Variants in RELN observed in about 807,000 individuals in gnomAD.
The protein encoded by RELN is reelin.
Under a neutral mutation model 427.6 loss-of-function variants are expected in RELN, and 108 were observed. The ratio of observed to expected loss-of-function variants is 0.25; its 90% CI spans 0.22 to 0.30. The LOEUF (loss-of-function observed/expected upper bound fraction) is 0.30, where lower values mean the gene tolerates loss of function less well. Ranked by LOEUF, RELN falls within the 10% of genes least tolerant of loss-of-function variation. RELN has a pLI of 1.00. For missense variants in RELN, 3,715 were observed against 4,302.8 expected (o/e 0.86, Z 3.82); for synonymous variants, 1,524 against 1,513.4 (o/e 1.01, Z -0.16).
At chr7:103,699,521 T>C (rs951813428) in intron 9 of RELN, among the ~76,000 whole-genome samples, 5 of 152,170 alleles carry the variant, frequency 3.3e-5, no homozygotes, top group Admixed American at 6.6e-5. Context: ...GAAAAATAGA[T>C]GGGTTCAGCT....
rs374446239 is a variant in RELN, at chr7:103,640,494, C to T, written c.2069+49G>A. ...AAATGACTTGCGACTTCAACACATA[C>T]ATTACACATCAAAAAGGAGAAGCAT... On this transcript the variant is annotated intron_variant, in intron 17 of 64. Transcript: ENST00000428762. The surrounding 1 kb of genome is among the most constrained non-coding windows in gnomAD (Gnocchi z 4.1). The T allele has an allele frequency of 3.2e-5, 51 of 1,573,626 alleles. No individual in the cohort carries two copies. Among genetic ancestry groups the T allele is most frequent in the African/African-American group, 2.7e-4 (20 of 74,238 alleles).
intron 10 of RELN, among the ~76,000 whole-genome samples, chr7:103,683,477 C>T (rs1833696692): frequency 6.6e-6 from 1 of 152,094 alleles, no homozygotes; most frequent in African/African-American, 2.4e-5. Flanking sequence ...AACAATGTTT[C>T]AGTAAATGAC....
intron 29 of RELN, 138 bp downstream of exon 29, chr7:103,575,410 G>C: frequency 2.1e-6 from 2 of 946,960 alleles, no homozygotes; most frequent in Non-Finnish European, 3.4e-6. Flanking sequence ...CATGTGCCTG[G>C]GTTGTGAATT....
intron 1 of RELN, among the ~76,000 whole-genome samples, chr7:103,964,348 T>C (rs1302026415): frequency 6.6e-6 from 1 of 152,118 alleles, no homozygotes; most frequent in East Asian, 1.9e-4. Context: ...GATCTGAAAA[T>C]GACCAGACAA....
In RELN at chr7:103,523,473, A is replaced by G; in HGVS notation, c.7408T>C (p.Trp2470Arg). Residue 2470 changes from tryptophan to arginine, a missense_variant, in exon 47 of 65, where the codon TGG (tryptophan) becomes CGG (arginine). Coordinates refer to ENST00000428762, the MANE Select transcript of RELN (RefSeq NM_005045.4). ...CCGATATAGACATTATCTATTGCCC[A>G]TGTCTGCTGCTTGTCAAAAGGAGCT... ...QPAPFDKQQT[W>R]AIDNVYIGDG... The G allele has an allele frequency of 6.2e-7, 1 of 1,614,040 alleles. No homozygotes were observed. The highest frequency in any genetic ancestry group is 1.1e-5 in the South Asian group (1 of 91,080).
intron 19 of RELN, among the ~76,000 whole-genome samples, chr7:103,633,419 T>C (rs1395360517): frequency 6.6e-6 from 1 of 151,870 alleles, no homozygotes; most frequent in Non-Finnish European, 1.5e-5. Context: ...TGTCACCTTT[T>C]ATTAATATTT....
chr7:103,840,770 A>C (rs1793533483), intron 2 of RELN, among the ~76,000 whole-genome samples: 1 of 152,212 alleles, frequency 6.6e-6, no homozygotes, highest in Admixed American at 6.5e-5. Flanking sequence ...GGGGATAATT[A>C]AAATTTTGAA....
chr7:103,902,167 T>A (rs1184460017), intron 2 of RELN, among the ~76,000 whole-genome samples: 2 of 152,030 alleles, frequency 1.3e-5, no homozygotes, highest in South Asian at 4.1e-4. Flanking sequence ...ATCAGCCTCA[T>A]AATTACTCTA....
At chr7:103,681,947 T>G (rs763708439) in intron 11 of RELN, among the ~76,000 whole-genome samples, 169 bp downstream of exon 11, 3 of 152,236 alleles carry the variant, frequency 2.0e-5, no homozygotes, top group Non-Finnish European at 2.9e-5. Context: ...TAGTTAATTA[T>G]AAGCTTAGAA....
In RELN at chr7:103,611,659, C is replaced by T. The variant is rs1312221375; in HGVS notation, c.2847G>A (p.Lys949=). 1.2e-6 allele frequency: 2 copies of T among 1,613,828 alleles called. No individual in the cohort carries two copies. The highest frequency in any genetic ancestry group is 1.7e-6 in the Non-Finnish European group (2 of 1,179,928). ...GGCCGTGGTTGGTTGAGTACTCCAG[C>T]TTCACCTGGTTGTCCATGTGTGGGG... ...KYTPHMDNQV[K]LEYSTNHGLT... Residue 949 remains lysine (K), a synonymous_variant, in exon 21 of 65, where the codon AAG becomes AAA. Transcript: ENST00000428762.
intron 2 of RELN, among the ~76,000 whole-genome samples, chr7:103,848,588 G>A (rs1421772693): frequency 6.6e-6 from 1 of 152,116 alleles, no homozygotes; most frequent in Admixed American, 6.6e-5. Flanking sequence ...TGGGTCCCCA[G>A]GTCACATTGC....
chr7:103,918,532 A>C (rs1476163298), intron 1 of RELN, among the ~76,000 whole-genome samples: 1 of 152,144 alleles, frequency 6.6e-6, no homozygotes, highest in Non-Finnish European at 1.5e-5. Context: ...CCAAAGTGGC[A>C]AAGTAACCAT....
At chr7:103,633,731 AC>A (rs1832519729) in intron 19 of RELN, among the ~76,000 whole-genome samples, 1 of 152,180 alleles carries the variant, frequency 6.6e-6, no homozygotes, top group South Asian at 2.1e-4. Flanking sequence ...TAGATTGATT[AC>A]TGAATTTTGC....
intron 3 of RELN, among the ~76,000 whole-genome samples, chr7:103,815,614 T>C (rs1450128404): frequency 1.3e-5 from 2 of 152,232 alleles, no homozygotes; most frequent in African/African-American, 4.8e-5. Flanking sequence ...CAGATTAGCA[T>C]TATGAGCTGT....
intron 1 of RELN, among the ~76,000 whole-genome samples, chr7:103,955,504 T>C (rs1406595238): frequency 6.6e-6 from 1 of 152,236 alleles, no homozygotes; most frequent in African/African-American, 2.4e-5. Flanking sequence ...TGACATTCAG[T>C]GTGTATTTTC....
intron 2 of RELN, among the ~76,000 whole-genome samples, chr7:103,841,937 G>C (rs1011233487): frequency 6.6e-6 from 1 of 151,972 alleles, no homozygotes; most frequent in African/African-American, 2.4e-5. Flanking sequence ...ATTTTTCATG[G>C]GTTTCAAGAA....
At chr7:103,763,763 T>C (rs1160694008) in intron 4 of RELN, among the ~76,000 whole-genome samples, 1 of 151,868 alleles carries the variant, frequency 6.6e-6, no homozygotes, top group Non-Finnish European at 1.5e-5. Context: ...AATGTGGAGA[T>C]GACGTTGGAG....
At chr7:103,598,017 TA>T (rs1389874648) in intron 24 of RELN, among the ~76,000 whole-genome samples, 1 of 152,190 alleles carries the variant, frequency 6.6e-6, no homozygotes, top group African/African-American at 2.4e-5. Context: ...AAACCTGAGA[TA>T]ATATACATAG....
intron 49 of RELN, 50 bp from the exon 50 acceptor site, chr7:103,515,491 T>C: frequency 1.3e-6 from 2 of 1,571,886 alleles, no homozygotes; most frequent in Non-Finnish European, 1.7e-6. Flanking sequence ...TTGTCAAATA[T>C]CTTCTCTGAG....
Sources: gnomAD v4.1 joint callset for allele counts (sites outside exome capture counted in the v4.1 genomes callset) on GRCh38, gnomAD v4.1.1 for gene constraint, Gnocchi (gnomAD v3.1) non-coding constraint, MANE v1.5 for transcripts, NCBI Gene and HGNC (gene_info 2026-07-23, HGNC 2026-07-21) for gene names.